Variants in TRAP1 observed in about 807,000 individuals in gnomAD.
TRAP1 encodes TNF receptor associated protein 1, also known as heat shock protein 75 kDa, mitochondrial.
Under a neutral mutation model 89.1 loss-of-function variants are expected in TRAP1, and 102 were observed. The ratio of observed to expected loss-of-function variants is 1.15; its 90% confidence interval spans 0.98 to 1.35. The LOEUF is 1.35. TRAP1 is among the 40% of genes most tolerant of loss of function. The pLI is 0.00. For synonymous variants in TRAP1, 508 were observed against 388.0 expected, an observed-to-expected ratio of 1.31 and a Z score of -3.64; for missense variants, 1,256 against 945.3, an observed-to-expected ratio of 1.33 and a Z score of -4.31.
rs371636840 is a variant in TRAP1 at position 3,671,834 on chromosome 16, C to T, written c.1166-43G>A. 1.4e-5 allele frequency: 23 copies of T among 1,591,516 alleles called. 1 individual carries two copies. The South Asian group carries it at 2.3e-4, about 16-fold the overall frequency. Reference sequence around the variant, plus strand: ...CAGCTTCTCCCGGGGCTGCGGCCCTCCACACCACCCAACATTCCCCATTAA... The same window carrying T: ...CAGCTTCTCCCGGGGCTGCGGCCCTTCACACCACCCAACATTCCCCATTAA... On this transcript the variant is annotated intron_variant, in intron 10 of 17. Transcript: ENST00000246957.
chr16:3,683,789 TA>T lies in TRAP1; in HGVS notation c.471+2206del, dbSNP rs79175106. Among the ~76,000 whole-genome samples the T allele has an allele frequency of 2.2e-3, 293 of 130,748 alleles. 1 individual carries two copies. The highest frequency in any genetic ancestry group is 4.4e-3 in the African/African-American group (157 of 35,500). 85.8% of individuals were successfully genotyped at this position (130,748 alleles called of 152,430 possible). A position where few individuals can be genotyped will look rare whatever the true frequency, so the allele number is the denominator to read the frequency against. On this transcript the variant is annotated intron_variant, in intron 4 of 17. Coordinates refer to ENST00000246957, the MANE Select transcript of TRAP1 (RefSeq NM_016292.3). The stretch of plus-strand genomic sequence containing the variant: ...TTGAAATCTGTTCTAAAATATTTAC[TA>T]AAAAAAAAAAAAAACTATAGATTTT...
rs150769001 is a variant in TRAP1 at position 3,706,111 on chromosome 16, C to T, written c.88+11310G>A. Among the ~76,000 whole-genome samples the T allele has an allele frequency of 5.5e-4, 83 of 151,770 alleles. No individual in the cohort carries two copies. In the East Asian group the frequency reaches 0.014, roughly 26 times the overall value. On this transcript the variant is annotated intron_variant, in intron 1 of 17. Coordinates refer to ENST00000246957, the MANE Select transcript of TRAP1 (RefSeq NM_016292.3). ...TCTCCTGCTGAGGCACCCGCCACCACGCCCAGTTAATTTTTGTATTTTTAG... is the reference window on the plus strand; with the variant it reads ...TCTCCTGCTGAGGCACCCGCCACCATGCCCAGTTAATTTTTGTATTTTTAG...
intron 1 of TRAP1, among the ~76,000 whole-genome samples, chr16:3,702,645 T>C (rs1259407066): frequency 6.6e-6 from 1 of 151,456 alleles, no homozygotes; most frequent in African/African-American, 2.4e-5. Context: ...TTGGGGTACT[T>C]GAGGCGGAAG....
chr16:3,668,214 G>A (rs111987324), intron 11 of TRAP1, among the ~76,000 whole-genome samples: 14 of 151,790 alleles, frequency 9.2e-5, no homozygotes, highest in African/African-American at 2.7e-4. Flanking sequence ...GAGCCATTGC[G>A]CCCAGCCTAA....
chr16:3,714,719 G>A (rs2051574978), intron 1 of TRAP1, among the ~76,000 whole-genome samples: 1 of 152,184 alleles, frequency 6.6e-6, no homozygotes, highest in South Asian at 2.1e-4. Flanking sequence ...TCAGGGGTCA[G>A]TGAGGTCTGA....
rs186128672 is a variant in TRAP1 at position 3,696,716 on chromosome 16, C to G, written c.89-5731G>C. Among the ~76,000 whole-genome samples the G allele has an allele frequency of 2.0e-3, 297 of 151,856 alleles. 1 individual carries two copies. Among genetic ancestry groups the G allele is most frequent in the African/African-American group, 6.8e-3 (282 of 41,376 alleles). ...GGACTATAGGCCGTGTATTACCACT[C>G]CTAGCTAATTTTTTTTTTCTTTTTT... On this transcript the variant is annotated intron_variant, in intron 1 of 17. Coordinates refer to ENST00000246957, the MANE Select transcript of TRAP1 (RefSeq NM_016292.3).
rs748658465 is a variant in TRAP1, at chr16:3,672,783, G to C, written c.1082C>G (p.Ser361Cys). The C allele has an allele frequency of 6.2e-7, 1 of 1,612,948 alleles. No homozygotes were observed. Among genetic ancestry groups the C allele is most frequent in the Non-Finnish European group, 8.5e-7 (1 of 1,179,670 alleles). Residue 361 changes from serine to cysteine, a missense_variant, in exon 10 of 18, where the codon TCC (serine) becomes TGC (cysteine). Ser to Cys is a moderately radical substitution (Grantham distance 112). Transcript: ENST00000246957. ...TTTGCGGCTGTACAGTGCAACGCTG[G>C]AGCCCAGCTCCCGGCTCACATCAAA... ...SMFDVSRELG[S>C]SVALYSRKVL...
chr16:3,670,841 G>A (rs560291630), intron 11 of TRAP1, among the ~76,000 whole-genome samples: 1 of 152,278 alleles, frequency 6.6e-6, no homozygotes, highest in East Asian at 1.9e-4. Context: ...GGACCCACCA[G>A]GCAGGAAACC....
chr16:3,696,215 C>T (rs1374535916), intron 1 of TRAP1, among the ~76,000 whole-genome samples: 2 of 152,068 alleles, frequency 1.3e-5, no homozygotes, highest in Admixed American at 6.6e-5. Context: ...TACCTCTCTC[C>T]AAAAACAGGA....
intron 5 of TRAP1, chr16:3,678,233 G>C (rs974120604): frequency 6.6e-6 from 1 of 152,630 alleles, no homozygotes; most frequent in African/African-American, 2.4e-5. Context: ...TCCAACAACA[G>C]GAACGTTCTG....
In TRAP1 at chr16:3,690,859, T is replaced by G. The variant is rs754336461; in HGVS notation, c.215A>C (p.His72Pro). 1.3e-6 allele frequency: 2 copies of G among 1,569,972 alleles called. No homozygotes were observed. Among genetic ancestry groups the G allele is most frequent in the Non-Finnish European group, 1.7e-6 (2 of 1,157,870 alleles). Residue 72 changes from histidine to proline, a missense_variant, in exon 2 of 18, where the codon CAC (histidine) becomes CCC (proline). By Grantham distance (77) the His-to-Pro change is moderately conservative (BLOSUM62 -2). Coordinates refer to ENST00000246957, the MANE Select transcript of TRAP1 (RefSeq NM_016292.3). ...GCTCTCTGTGCTGCTGATAATCGAG[T>G]GCAGGGGTTCCTCCTTGTCCTCGGC... The part of the protein sequence containing the change: ...QTAEDKEEPL[H>P]SIISSTESVQ...
intron 5 of TRAP1, chr16:3,677,985 G>C: frequency 3.8e-6 from 1 of 265,482 alleles, no homozygotes; most frequent in Non-Finnish European, 7.2e-6. Flanking sequence ...TCTTTCCCTT[G>C]AATAAGCTCC....
Position 3,677,549 on chromosome 16 carries a change from T to C in TRAP1, c.653A>G (p.Tyr218Cys), listed in dbSNP as rs2051015758. Reference protein sequence around the residue: ...AFMVADRVEVYSRSAAPGSLG... With the variant: ...AFMVADRVEVCSRSAAPGSLG... ...GCTCCCCGGGGCTGCCGAGCGGGAA[T>C]AGACCTCCACTCTGTCAGCCACCAT... Residue 218 changes from tyrosine (Y) to cysteine (C), a missense_variant, in exon 6 of 18, where the codon TAT becomes TGT. Transcript: ENST00000246957. 1.9e-6 allele frequency: 3 copies of C among 1,614,152 alleles called. No individual in the cohort carries two copies. Among genetic ancestry groups the C allele is most frequent in the Non-Finnish European group, 2.5e-6 (3 of 1,180,024 alleles).
chr16:3,690,159 A>T (rs2051193916), intron 2 of TRAP1, among the ~76,000 whole-genome samples: 1 of 151,992 alleles, frequency 6.6e-6, no homozygotes, highest in Admixed American at 6.6e-5. Flanking sequence ...GGTGTGTGCT[A>T]CCATGCCTGG....
intron 11 of TRAP1, 136 bp from the exon 12 acceptor site, chr16:3,666,254 G>A: frequency 2.6e-6 from 3 of 1,138,212 alleles, no homozygotes; most frequent in South Asian, 1.6e-5. Context: ...TGGCCAAACT[G>A]AAAAAGACTG....
chr16:3,662,155 AGG>A, intron 15 of TRAP1, 23 bp from the exon 16 acceptor site: 1 of 1,596,176 alleles, frequency 6.3e-7, no homozygotes, highest in South Asian at 1.1e-5. Flanking sequence ...CCCGGGGTTG[AGG>A]GTGATAGAGG....
chr16:3,705,584 A>G (rs2051431346), intron 1 of TRAP1, among the ~76,000 whole-genome samples: 1 of 152,174 alleles, frequency 6.6e-6, no homozygotes, highest in Admixed American at 6.5e-5. Context: ...TCATCCACAT[A>G]TAGCATGTAT....
intron 8 of TRAP1, chr16:3,674,963 G>A (rs773222982): frequency 3.0e-6 from 1 of 330,892 alleles, no homozygotes; most frequent in East Asian, 6.7e-5. Flanking sequence ...ACTGGGGGAG[G>A]GGCAGTGGGG....
chr16:3,670,449 C>CCAG (rs1249923884), intron 11 of TRAP1, among the ~76,000 whole-genome samples: 8 of 150,156 alleles, frequency 5.3e-5, no homozygotes, highest in Non-Finnish European at 1.2e-4. Context: ...GCCTGGAATC[C>CCAG]CAGCACTTTG....
Sources: gnomAD v4.1 joint callset for allele counts (sites outside exome capture counted in the v4.1 genomes callset) on GRCh38, gnomAD v4.1.1 for gene constraint, MANE v1.5 for transcripts, NCBI Gene and HGNC (gene_info 2026-07-23, HGNC 2026-07-21) for gene names.